The following COX20 variants were observed in gnomAD, a reference collection of about 807,000 sequenced individuals.
The protein encoded by COX20 is cytochrome c oxidase assembly protein COX20, mitochondrial.
A neutral mutation model predicts 14.3 loss-of-function variants in COX20; 14 were observed. The ratio of observed to expected loss-of-function variants is 0.98; its 90% CI spans 0.65 to 1.53. The LOEUF is 1.53. COX20 is among the 40% of genes most tolerant of loss of function. The probability of loss-of-function intolerance (pLI) is 0.00; values close to 1 mark genes in which losing one functional copy is unlikely to be tolerated. For missense variants in COX20, 149 were observed against 142.1 expected (o/e 1.05, Z -0.25); for synonymous variants, 56 against 51.7 (o/e 1.08, Z -0.36).
intron 1 of COX20, among the ~76,000 whole-genome samples, chr1:244,838,436 A>G (rs1435999991): frequency 6.6e-6 from 1 of 152,220 alleles, no homozygotes. Flanking sequence ...CTAGATTCCA[A>G]AGGAGTTAAG....
At chr1:244,836,174 G>T (rs1679975502) in intron 1 of COX20, among the ~76,000 whole-genome samples, 1 of 152,060 alleles carries the variant, frequency 6.6e-6, no homozygotes, top group Admixed American at 6.5e-5. Flanking sequence ...AATTGCTGAG[G>T]GATGACTTGA....
rs373236496 is a variant in COX20, at chr1:244,842,154, C to T, written c.158-41C>T. The T allele has an allele frequency of 6.1e-4, 889 of 1,461,408 alleles. 2 individuals carry two copies. Among genetic ancestry groups the T allele is most frequent in the Non-Finnish European group, 7.7e-4 (799 of 1,041,960 alleles). The allele number at this position is 1,461,408 out of a possible 1,614,324, so 90.5% of individuals were successfully genotyped here. Reference sequence around the variant, plus strand: ...TTTCTAGGTGGAGTAATGTATATAACGTAATTATATTCTAATTAATTGTTA... The same window carrying T: ...TTTCTAGGTGGAGTAATGTATATAATGTAATTATATTCTAATTAATTGTTA... On this transcript the variant is annotated intron_variant, in intron 2 of 3. Coordinates refer to ENST00000411948, the MANE Select transcript of COX20 (RefSeq NM_198076.6).
intron 1 of COX20, chr1:244,840,851 T>A (rs1680173799): frequency 6.6e-6 from 1 of 152,220 alleles, no homozygotes; most frequent in Non-Finnish European, 1.5e-5. Flanking sequence ...TATCACCTCA[T>A]CCTATAGAAT....
intron 1 of COX20, 109 bp downstream of exon 1, chr1:244,835,865 T>C: frequency 3.9e-6 from 3 of 771,326 alleles, no homozygotes; most frequent in Non-Finnish European, 5.3e-6. Context: ...CTGCCACCCA[T>C]GGGCTTGAAA....
rs1350268475 is a variant in COX20 at position 244,841,808 on chromosome 1, T to G, written c.43-136T>G. 5.0e-6 allele frequency: 3 copies of G among 602,162 alleles called. No homozygotes were observed. The Admixed American group carries it at 9.0e-5, about 18-fold the overall frequency. 37.3% of individuals were successfully genotyped at this position (602,162 alleles called of 1,614,324 possible). A position where few individuals can be genotyped will look rare whatever the true frequency, so the allele number is the denominator to read the frequency against. ...GTGGACAAAGACAACGCAAGCTGATTTAGGTTGTCACGTGGCACATACTCT... is the reference window on the plus strand; with the variant it reads ...GTGGACAAAGACAACGCAAGCTGATGTAGGTTGTCACGTGGCACATACTCT... On this transcript the variant is annotated intron_variant, in intron 1 of 3. Transcript: ENST00000411948.
intron 1 of COX20, 72 bp downstream of exon 1, chr1:244,835,828 G>C (rs1022322281): frequency 1.4e-5 from 16 of 1,121,500 alleles, no homozygotes; most frequent in South Asian, 4.1e-5. Flanking sequence ...GGAGCTCCTA[G>C]GCCCGGAGCA....
chr1:244,842,843 T>C, intron 3 of COX20, 198 bp from the exon 4 acceptor site: 2 of 419,478 alleles, frequency 4.8e-6, no homozygotes, highest in Non-Finnish European at 4.3e-6. Context: ...ATCCTTTTTT[T>C]CCTAATAAAA....
At chr1:244,838,637 G>GAC (rs1157122885) in intron 1 of COX20, among the ~76,000 whole-genome samples, 1 of 152,204 alleles carries the variant, frequency 6.6e-6, no homozygotes, top group Admixed American at 6.5e-5. Flanking sequence ...CTTGACTGGT[G>GAC]TCAAGTGAAG....
intron 1 of COX20, chr1:244,836,533 CTTG>C: frequency 1.9e-6 from 3 of 1,548,334 alleles, no homozygotes; most frequent in Non-Finnish European, 2.6e-6. Flanking sequence ...AATAAATGAT[CTTG>C]TTTTCCTCTT....
chr1:244,835,624 T>TG, upstream of COX20: 1 of 947,538 alleles, frequency 1.1e-6, no homozygotes, highest in Non-Finnish European at 1.3e-6. Context: ...CGGCGGCGCG[T>TG]GGGGGCGGGA....
At chr1:244,837,424 TTATTA>T (rs1680028476) in intron 1 of COX20, among the ~76,000 whole-genome samples, 5 of 152,268 alleles carry the variant, frequency 3.3e-5, no homozygotes, top group South Asian at 4.1e-4. Flanking sequence ...GAGGATTATT[TTATTA>T]TAAGAATTAG....
chr1:244,837,507 T>C (rs1167538316), intron 1 of COX20, among the ~76,000 whole-genome samples: 1 of 152,318 alleles, frequency 6.6e-6, no homozygotes, highest in East Asian at 1.9e-4. Flanking sequence ...CTAAAAACTG[T>C]CCTCTGCCAC....
chr1:244,840,933 C>G (rs1376556720), intron 1 of COX20: 4 of 152,276 alleles, frequency 2.6e-5, no homozygotes, highest in Non-Finnish European at 2.9e-5. Flanking sequence ...TTTAAATGGA[C>G]AGTGGTTCCT....
chr1:244,841,901 A>AC lies in COX20; in HGVS notation c.43-43_43-42insC, dbSNP rs747984179. ...ATTTTTGCCAAAGCACCCCAAAATG[A>AC]AATACTTTCTTACTCAATCTAGGTT... On this transcript the variant is annotated intron_variant, in intron 1 of 3. Coordinates refer to ENST00000411948, the MANE Select transcript of COX20 (RefSeq NM_198076.6). 8.7e-6 allele frequency: 11 copies of AC among 1,264,794 alleles called. No individual in the cohort carries two copies. In the South Asian group the frequency reaches 8.9e-5, roughly 10 times the overall value. 78.3% of individuals were successfully genotyped at this position (1,264,794 alleles called of 1,614,324 possible). A position where few individuals can be genotyped will look rare whatever the true frequency, so the allele number is the denominator to read the frequency against.
chr1:244,842,621 A>G, intron 3 of COX20: 1 of 272,504 alleles, frequency 3.7e-6, no homozygotes, highest in Non-Finnish European at 6.9e-6. Flanking sequence ...TATTTGCCAG[A>G]CCTAAGAGTA....
Position 244,842,169 on chromosome 1 carries a change from ATTAATTG to A in COX20, c.158-22_158-16del, listed in dbSNP as rs1402208558. 6.5e-7 allele frequency: 1 copy of A among 1,539,492 alleles called. No homozygotes were observed. The highest frequency in any genetic ancestry group is 9.0e-7 in the Non-Finnish European group (1 of 1,113,736). On this transcript the variant is annotated intron_variant, in intron 2 of 3. Coordinates refer to ENST00000411948, the MANE Select transcript of COX20 (RefSeq NM_198076.6). ...ATGTATATAACGTAATTATATTCTA[ATTAATTG>A]TTATGCTTATTTTTACAGGTAGAAT...
At chr1:244,839,849 T>G (rs1189170852) in intron 1 of COX20, 2 of 152,216 alleles carry the variant, frequency 1.3e-5, no homozygotes, top group African/African-American at 4.8e-5. Context: ...TGAAACTGAC[T>G]TCTGCCTCCA....
chr1:244,836,717 C>T (rs540096985), intron 1 of COX20, among the ~76,000 whole-genome samples: 1 of 152,210 alleles, frequency 6.6e-6, no homozygotes, highest in East Asian at 1.9e-4. Context: ...TGCTAAATGG[C>T]TCCTAATATA....
chr1:244,836,388 C>T, intron 1 of COX20: 2 of 1,043,542 alleles, frequency 1.9e-6, no homozygotes, highest in East Asian at 2.6e-5. Context: ...GGATAAAACC[C>T]AAATTCTTGG....
Sources: allele counts gnomAD v4.1 joint callset (sites outside exome capture counted in the v4.1 genomes callset), GRCh38; gene constraint gnomAD v4.1.1; transcripts MANE v1.5; gene names NCBI Gene and HGNC (gene_info 2026-07-23, HGNC 2026-07-21).